Variants in ABLIM1 observed in about 807,000 individuals in gnomAD.
ABLIM1 encodes the protein actin binding LIM protein 1.
Under a neutral mutation model 107.0 loss-of-function variants are expected in ABLIM1, and 40 were observed. The ratio of observed to expected loss-of-function variants is 0.37; its 90% CI spans 0.29 to 0.49. The LOEUF (loss-of-function observed/expected upper bound fraction) is 0.49. ABLIM1 is among the 20% of genes least tolerant of loss of function. The pLI is 0.97. For synonymous variants in ABLIM1, 357 were observed against 357.3 expected, an observed-to-expected ratio of 1.00 and a Z score of 0.01; for missense variants, 857 against 1,008.5, an observed-to-expected ratio of 0.85 and a Z score of 2.04.
intron 1 of ABLIM1, among the ~76,000 whole-genome samples, chr10:114,740,602 G>C (rs1389654880): frequency 6.6e-6 from 1 of 151,984 alleles, no homozygotes; most frequent in Non-Finnish European, 1.5e-5. Flanking sequence ...AGGAAAATTA[G>C]TACTATACTG....
At chr10:114,567,889 A>G (rs1215561547) in intron 4 of ABLIM1, among the ~76,000 whole-genome samples, 1 of 152,212 alleles carries the variant, frequency 6.6e-6, no homozygotes, top group Non-Finnish European at 1.5e-5. Context: ...AGAGATTCAC[A>G]TTTAAAAAAG....
chr10:114,590,023 T>A (rs2074682319), intron 2 of ABLIM1, among the ~76,000 whole-genome samples: 1 of 152,154 alleles, frequency 6.6e-6, no homozygotes, highest in Admixed American at 6.5e-5. Flanking sequence ...TTAGTTTTTA[T>A]ACCGTATTTT....
intron 1 of ABLIM1, among the ~76,000 whole-genome samples, chr10:114,691,161 G>A (rs2081069757): frequency 2.0e-5 from 3 of 152,178 alleles, no homozygotes; most frequent in South Asian, 4.1e-4. Context: ...GTATGCAGAA[G>A]AGCACAGATT....
intron 1 of ABLIM1, among the ~76,000 whole-genome samples, chr10:114,719,959 C>T (rs2081800345): frequency 6.6e-6 from 1 of 152,204 alleles, no homozygotes; most frequent in African/African-American, 2.4e-5. Flanking sequence ...GTTTGCTGCA[C>T]TTATCAACCC....
intron 1 of ABLIM1, among the ~76,000 whole-genome samples, chr10:114,651,868 G>A (rs1211334785): frequency 6.6e-6 from 1 of 152,104 alleles, no homozygotes; most frequent in Admixed American, 6.6e-5. Context: ...CAACAAACCG[G>A]ATGAGGCCCT....
chr10:114,570,409 C>CT (rs150813912), intron 4 of ABLIM1, among the ~76,000 whole-genome samples: 7,190 of 152,178 alleles, frequency 0.047, 216 homozygotes, highest in East Asian at 0.081. Context: ...ATATGTGCAG[C>CT]TTTTTCCCAC....
At chr10:114,649,669 T>C (rs1205186053) in intron 1 of ABLIM1, among the ~76,000 whole-genome samples, 2 of 152,092 alleles carry the variant, frequency 1.3e-5, no homozygotes, top group African/African-American at 4.8e-5. Flanking sequence ...ACACAGACTA[T>C]GCTTCCTTCC....
intron 5 of ABLIM1, among the ~76,000 whole-genome samples, chr10:114,545,930 C>CAA (rs369045013): frequency 0.41 from 45,823 of 111,008 alleles, 10,142 homozygotes; most frequent in Non-Finnish European, 0.52. Context: ...GACCCCATCT[C>CAA]AAAAAAAAAA....
intron 19 of ABLIM1, 184 bp downstream of exon 19, chr10:114,440,833 G>A: frequency 1.4e-6 from 1 of 713,480 alleles, no homozygotes; most frequent in Non-Finnish European, 2.5e-6. Flanking sequence ...ACTTCTTACA[G>A]TTTGATTTCA....
chr10:114,712,405 T>C (rs565230245), intron 1 of ABLIM1, among the ~76,000 whole-genome samples: 14 of 124,470 alleles, frequency 1.1e-4, no homozygotes, highest in South Asian at 2.6e-4. Context: ...TTAAAAGCCA[T>C]AGTAGTTCCT....
At chr10:114,767,281 C>T (rs751427263) in intron 1 of ABLIM1, among the ~76,000 whole-genome samples, 5 of 152,190 alleles carry the variant, frequency 3.3e-5, no homozygotes, top group Non-Finnish European at 5.9e-5. Context: ...TGCAAATACA[C>T]TTTCTAAAAA....
At chr10:114,776,647 C>T in the ABLIM1 span, among the ~76,000 whole-genome samples, 2 of 152,098 alleles carry the variant, frequency 1.3e-5, no homozygotes, top group African/African-American at 4.8e-5. Context: ...ATAATACAGT[C>T]ACGTTCTCCC....
At chr10:114,536,123 C>G (rs1489563830) in intron 6 of ABLIM1, among the ~76,000 whole-genome samples, 4 of 151,658 alleles carry the variant, frequency 2.6e-5, no homozygotes. Flanking sequence ...CTGGCATTCT[C>G]TAACTTACTG....
chr10:114,674,754 GGAAGT>G (rs900120686), intron 1 of ABLIM1, among the ~76,000 whole-genome samples: 2 of 146,958 alleles, frequency 1.4e-5, no homozygotes, highest in African/African-American at 2.5e-5. Flanking sequence ...TCTCAAAAGT[GGAAGT>G]GAAGTGAAGG....
chr10:114,547,111 T>A (rs1207080989), intron 5 of ABLIM1, among the ~76,000 whole-genome samples: 2 of 150,180 alleles, frequency 1.3e-5, no homozygotes, highest in South Asian at 4.2e-4. Flanking sequence ...TTTTAAGGCA[T>A]GAAAAGGTAT....
chr10:114,554,208 C>A (rs954307261), intron 4 of ABLIM1, among the ~76,000 whole-genome samples: 5 of 152,150 alleles, frequency 3.3e-5, no homozygotes, highest in African/African-American at 1.2e-4. Flanking sequence ...TTACTCCCCA[C>A]CCCCTGTCCA....
At chr10:114,698,620 G>C (rs2081244087) in intron 1 of ABLIM1, among the ~76,000 whole-genome samples, 1 of 152,096 alleles carries the variant, frequency 6.6e-6, no homozygotes. Context: ...ACATACACTG[G>C]TGTAATTTTA....
chr10:114,622,306 G>A (rs1240735493), intron 1 of ABLIM1, among the ~76,000 whole-genome samples: 1 of 149,698 alleles, frequency 6.7e-6, no homozygotes, highest in African/African-American at 2.5e-5. Context: ...GAGTGCAATG[G>A]CACGTTCATG....
chr10:114,438,328 C>G (rs1389448426), intron 21 of ABLIM1, among the ~76,000 whole-genome samples: 1 of 152,164 alleles, frequency 6.6e-6, no homozygotes. Context: ...GGTGTGATCA[C>G]AGCTCACTGT....
Sources: allele counts gnomAD v4.1 joint callset (sites outside exome capture counted in the v4.1 genomes callset), GRCh38; gene constraint gnomAD v4.1.1; transcripts MANE v1.5; gene names NCBI Gene and HGNC (gene_info 2026-07-23, HGNC 2026-07-21).